The following SLC9A8 variants were observed in gnomAD, a reference collection of about 807,000 sequenced individuals.
The protein encoded by SLC9A8 is solute carrier family 9 member A8.
In SLC9A8, 48 loss-of-function variants were observed where a neutral mutation model predicts 66.6. The observed-to-expected ratio is 0.72, with a 90% confidence interval of 0.57 to 0.92. The LOEUF (loss-of-function observed/expected upper bound fraction) is 0.92, where lower values mean the gene tolerates loss of function less well. SLC9A8 is among the 40% of genes least tolerant of loss of function. The pLI is 0.00. For synonymous variants in SLC9A8, 274 were observed against 282.6 expected (o/e 0.97, Z 0.31); for missense variants, 599 against 747.3 (o/e 0.80, Z 2.31).
chr20:49,833,096 G>A (rs2087280462), intron 3 of SLC9A8, among the ~76,000 whole-genome samples: 1 of 152,032 alleles, frequency 6.6e-6, no homozygotes, highest in Non-Finnish European at 1.5e-5. Context: ...AGCGGAGACG[G>A]GGTTTCACTA....
chr20:49,877,325 T>C (rs1025813545), intron 11 of SLC9A8, among the ~76,000 whole-genome samples: 3 of 151,996 alleles, frequency 2.0e-5, no homozygotes, highest in Non-Finnish European at 4.4e-5. Context: ...TTAATCTCTT[T>C]AGTCATTATG....
chr20:49,844,016 C>T (rs2087875093), intron 4 of SLC9A8, among the ~76,000 whole-genome samples: 1 of 152,154 alleles, frequency 6.6e-6, no homozygotes, highest in South Asian at 2.1e-4. Flanking sequence ...TCTCTTCCCC[C>T]ATGAGTGGAA....
rs575316787 is a variant in SLC9A8, at chr20:49,836,959, T to G, written c.290-2582T>G. Among the ~76,000 whole-genome samples, 8 of 152,272 alleles carry G rather than the reference T, an allele frequency of 5.3e-5. 1 individual carries two copies. Among genetic ancestry groups the G allele is most frequent in the Middle Eastern group, 6.8e-3 (2 of 294 alleles). On this transcript the variant is annotated intron_variant, in intron 3 of 15. Transcript: ENST00000361573. Reference sequence around the variant, plus strand: ...TGCTTAGGACAAACCTGCCTCCCATTCTATTTCTAAAAAGATAGCTACTAA... The same window carrying G: ...TGCTTAGGACAAACCTGCCTCCCATGCTATTTCTAAAAAGATAGCTACTAA...
At chr20:49,817,454 G>GC (rs1407776438) in intron 2 of SLC9A8, among the ~76,000 whole-genome samples, 2 of 132,220 alleles carry the variant, frequency 1.5e-5, no homozygotes, top group East Asian at 4.3e-4. Context: ...AGGTGCAACT[G>GC]TTTTTTTTTT....
intron 12 of SLC9A8, among the ~76,000 whole-genome samples, chr20:49,878,421 T>C (rs1303521121): frequency 1.3e-5 from 2 of 152,210 alleles, no homozygotes; most frequent in African/African-American, 4.8e-5. Flanking sequence ...TGTAAAAATA[T>C]TATGCACAGA....
intron 8 of SLC9A8, among the ~76,000 whole-genome samples, chr20:49,859,029 A>C (rs929599989): frequency 6.6e-6 from 1 of 151,898 alleles, no homozygotes; most frequent in Non-Finnish European, 1.5e-5. Context: ...TCTGTGGAGC[A>C]TGCATGTATA....
chr20:49,879,996 C>T (rs2089567588), intron 12 of SLC9A8, among the ~76,000 whole-genome samples: 1 of 152,130 alleles, frequency 6.6e-6, no homozygotes, highest in South Asian at 2.1e-4. Context: ...TGCAGTGGCT[C>T]ACACCTGTAA....
intron 7 of SLC9A8, among the ~76,000 whole-genome samples, chr20:49,854,334 C>T (rs553654719): frequency 1.7e-4 from 26 of 151,796 alleles, no homozygotes; most frequent in Non-Finnish European, 2.9e-4. Flanking sequence ...ACCACATGCA[C>T]CTTCCTTCTG....
At chr20:49,881,513 G>T (rs1251354228) in intron 13 of SLC9A8, among the ~76,000 whole-genome samples, 23 of 152,180 alleles carry the variant, frequency 1.5e-4, no homozygotes, top group Non-Finnish European at 2.9e-5. Flanking sequence ...CTTTTTAAAG[G>T]ACGGAAATGA....
At chr20:49,867,867 G>A (rs988052553) in intron 10 of SLC9A8, among the ~76,000 whole-genome samples, 3 of 152,234 alleles carry the variant, frequency 2.0e-5, no homozygotes, top group Admixed American at 2.0e-4. Context: ...TAGTGACTCA[G>A]TTGACAGAAC....
At chr20:49,880,818 C>T in intron 12 of SLC9A8, 106 bp from the exon 13 acceptor site, 1 of 756,258 alleles carries the variant, frequency 1.3e-6, no homozygotes, top group Non-Finnish European at 2.3e-6. Flanking sequence ...GGGAATACTG[C>T]ATTTGTACTG....
intron 1 of SLC9A8, 22 bp downstream of exon 1, chr20:49,812,970 C>A (rs1208329341): frequency 7.2e-7 from 1 of 1,392,844 alleles, no homozygotes; most frequent in South Asian, 1.5e-5. Flanking sequence ...TTTTCCCGGG[C>A]GGCGGAGGCG....
intron 2 of SLC9A8, among the ~76,000 whole-genome samples, chr20:49,820,426 G>T (rs2086691720): frequency 6.6e-6 from 1 of 151,688 alleles, no homozygotes; most frequent in South Asian, 2.1e-4. Flanking sequence ...AACCTGGGAG[G>T]TGGAGGTTTC....
chr20:49,882,596 C>T (rs1049235065), intron 13 of SLC9A8, among the ~76,000 whole-genome samples: 3 of 152,220 alleles, frequency 2.0e-5, no homozygotes, highest in Admixed American at 6.5e-5. Flanking sequence ...GCTGTTCCCG[C>T]GAACCCAGAC....
intron 3 of SLC9A8, among the ~76,000 whole-genome samples, chr20:49,827,637 A>G (rs2086966206): frequency 6.6e-6 from 1 of 151,744 alleles, no homozygotes; most frequent in East Asian, 1.9e-4. Context: ...AAAATGAAAT[A>G]CTTGTAAGCG....
chr20:49,861,839 T>C (rs1205218252), intron 8 of SLC9A8, among the ~76,000 whole-genome samples: 1 of 152,216 alleles, frequency 6.6e-6, no homozygotes, highest in Non-Finnish European at 1.5e-5. Context: ...CTTTCATTTC[T>C]TCCTCCTTAA....
In SLC9A8 at chr20:49,853,452, T is replaced by C. The variant is rs562171693; in HGVS notation, c.570-1986T>C. 2.7e-3 allele frequency among the ~76,000 whole-genome samples: 411 copies of C among 152,342 alleles called. 1 individual carries two copies. The highest frequency in any genetic ancestry group is 4.9e-3 in the Non-Finnish European group (330 of 68,030). On this transcript the variant is annotated intron_variant, in intron 7 of 15. Transcript: ENST00000361573. ...CCACTGTGCCCGGCCCAGGATACAC[T>C]TTTTAGACATCATCCTCCTTCCTTC...
At chr20:49,856,108 G>A (rs1025721372) in intron 8 of SLC9A8, among the ~76,000 whole-genome samples, 2 of 151,952 alleles carry the variant, frequency 1.3e-5, no homozygotes, top group Non-Finnish European at 2.9e-5. Flanking sequence ...CACCTTTTTC[G>A]ACCTGCCTTT....
Position 49,884,261 on chromosome 20 carries a change from C to CG in SLC9A8, c.1491+195_1491+196insG, listed in dbSNP as rs1568883786. The CG allele has an allele frequency of 9.0e-4, 257 of 284,180 alleles. 8 individuals carry two copies. Among genetic ancestry groups the CG allele is most frequent in the South Asian group, 3.9e-3 (160 of 41,102 alleles). The allele number at this position is 284,180 out of a possible 1,614,324, so 17.6% of individuals were successfully genotyped here. On this transcript the variant is annotated intron_variant, in intron 14 of 15. Coordinates refer to ENST00000361573, the MANE Select transcript of SLC9A8 (RefSeq NM_015266.3). ...ACACACGACACACACACACACACGACACACACACACACGACACACACACAC... is the reference window on the plus strand; with the variant it reads ...ACACACGACACACACACACACACGACGACACACACACACGACACACACACAC...
Sources: gnomAD v4.1 joint callset for allele counts (sites outside exome capture counted in the v4.1 genomes callset) on GRCh38, gnomAD v4.1.1 for gene constraint, MANE v1.5 for transcripts, NCBI Gene and HGNC (gene_info 2026-07-23, HGNC 2026-07-21) for gene names.